The following PRC1 variants were observed in gnomAD, a reference collection of about 807,000 sequenced individuals.
PRC1 encodes protein regulator of cytokinesis 1.
A neutral mutation model predicts 91.2 loss-of-function variants in PRC1; 54 were observed. The ratio of observed to expected loss-of-function variants is 0.59; its 90% CI spans 0.48 to 0.74. PRC1 has a LOEUF of 0.74. Ranked by LOEUF, PRC1 falls within the 30% of genes least tolerant of loss-of-function variation. The pLI, the probability that PRC1 is intolerant of heterozygous loss-of-function variation, is 0.00. For missense variants in PRC1, 727 were observed against 746.2 expected (o/e 0.97, Z 0.30); for synonymous variants, 275 against 263.6 (o/e 1.04, Z -0.42).
intron 6 of PRC1, 126 bp downstream of exon 6, chr15:90,980,758 G>A (rs2039130056): frequency 3.8e-6 from 5 of 1,311,002 alleles, no homozygotes; most frequent in East Asian, 2.3e-5. Flanking sequence ...CACCTGCCTC[G>A]GCCTCCCAAA....
intron 11 of PRC1, among the ~76,000 whole-genome samples, chr15:90,971,748 C>T (rs767586706): frequency 3.3e-5 from 5 of 152,084 alleles, no homozygotes; most frequent in Middle Eastern, 6.8e-3. Flanking sequence ...CCCAGCTACT[C>T]GGGAGGTGGA....
At chr15:90,976,412 C>G (rs8035844) in intron 9 of PRC1, among the ~76,000 whole-genome samples, 2 of 145,366 alleles carry the variant, frequency 1.4e-5, no homozygotes, top group Admixed American at 1.4e-4. Flanking sequence ...AACTCCTGAC[C>G]TCGCGATATG....
intron 1 of PRC1, among the ~76,000 whole-genome samples, chr15:90,993,233 G>A (rs1187247081): frequency 1.6e-5 from 2 of 126,780 alleles, no homozygotes; most frequent in East Asian, 5.2e-4. Flanking sequence ...TTTTTGAGAC[G>A]TAGTCTCACT....
chr15:90,983,063 C>T (rs138086298), intron 3 of PRC1, among the ~76,000 whole-genome samples: 1 of 152,236 alleles, frequency 6.6e-6, no homozygotes, highest in Non-Finnish European at 1.5e-5. Flanking sequence ...CCTCACTTCT[C>T]GCCCAATTTC....
rs1001583911 is a variant in PRC1 at position 90,984,159 on chromosome 15, T to A, written c.145-19A>T. On this transcript the variant is annotated intron_variant, in intron 2 of 14. Transcript: ENST00000394249. The surrounding 1 kb of genome is among the most constrained non-coding windows in gnomAD (Gnocchi z 5.1). ...GGAGTTCCTACAAGAGGGAAAACAG[T>A]CCATAAGTTTGGGGCAATGGAGGAA... 6.2e-7 allele frequency: 1 copy of A among 1,613,178 alleles called. No individual in the cohort carries two copies. The highest frequency in any genetic ancestry group is 8.5e-7 in the Non-Finnish European group (1 of 1,179,484).
chr15:90,969,261 C>T, intron 13 of PRC1, 141 bp from the exon 14 acceptor site: 1 of 1,201,454 alleles, frequency 8.3e-7, no homozygotes, highest in Non-Finnish European at 1.2e-6. Flanking sequence ...TTGCTGCTGC[C>T]AACTTCCTTC....
In PRC1 at chr15:90,966,625, A is replaced by C. The variant is rs1372547341; in HGVS notation, c.*506T>G. Reference sequence around the variant, plus strand: ...AGGCCATCTCAACTTCGGACACACAAAGACATTCTCTTCAGGAGGAAGGCT... The same window carrying C: ...AGGCCATCTCAACTTCGGACACACACAGACATTCTCTTCAGGAGGAAGGCT... On this transcript the variant is annotated 3_prime_UTR_variant, in exon 15 of 15. Coordinates refer to ENST00000394249, the MANE Select transcript of PRC1 (RefSeq NM_003981.4). 7 of 456,056 alleles carry C rather than the reference A, an allele frequency of 1.5e-5. No homozygotes were observed. Among genetic ancestry groups the C allele is most frequent in the Admixed American group, 9.4e-5 (4 of 42,560 alleles). The allele number at this position is 456,056 out of a possible 1,614,324, so 28.3% of individuals were successfully genotyped here.
chr15:90,986,726 G>T (rs982962249), intron 1 of PRC1, among the ~76,000 whole-genome samples: 2 of 152,028 alleles, frequency 1.3e-5, no homozygotes, highest in East Asian at 3.9e-4. Context: ...CTTTTTTGGG[G>T]TGATGAAATA....
At position 90,966,992 on chromosome 15, in the gene PRC1, C is replaced by CT. The variant is rs1268667232; in HGVS notation, c.*138dup. Reference sequence around the variant, plus strand: ...TTTCAACTGTAACACTCATTCACATCTTTAAGTTAGGCCCATGGTCATGGA... The same window carrying CT: ...TTTCAACTGTAACACTCATTCACATCTTTTAAGTTAGGCCCATGGTCATGGA... On this transcript the variant is annotated 3_prime_UTR_variant, in exon 15 of 15. Coordinates refer to ENST00000394249, the MANE Select transcript of PRC1 (RefSeq NM_003981.4). 4 of 722,542 alleles carry CT rather than the reference C, an allele frequency of 5.5e-6. No homozygotes were observed. Among genetic ancestry groups the CT allele is most frequent in the Non-Finnish European group, 9.6e-6 (4 of 416,184 alleles). The allele number at this position is 722,542 out of a possible 1,614,324, so 44.8% of individuals were successfully genotyped here. A position where few individuals can be genotyped will look rare whatever the true frequency, so the allele number is the denominator to read the frequency against.
intron 1 of PRC1, among the ~76,000 whole-genome samples, chr15:90,993,278 C>T (rs954037896): frequency 2.1e-5 from 3 of 142,814 alleles, no homozygotes; most frequent in African/African-American, 8.0e-5. Context: ...GTCGAGATGT[C>T]GGCTCATGCA....
intron 11 of PRC1, among the ~76,000 whole-genome samples, chr15:90,970,987 C>T (rs982409769): frequency 6.6e-6 from 1 of 151,972 alleles, no homozygotes; most frequent in Non-Finnish European, 1.5e-5. Flanking sequence ...CCTTTTGATA[C>T]ATACAGCAAC....
intron 6 of PRC1, 52 bp from the exon 7 acceptor site, chr15:90,980,441 A>G: frequency 6.4e-7 from 1 of 1,571,352 alleles, no homozygotes. Flanking sequence ...ATATTCACTC[A>G]GGTTTGCAAA....
intron 12 of PRC1, among the ~76,000 whole-genome samples, chr15:90,969,998 A>G (rs1265444274): frequency 6.6e-6 from 1 of 152,112 alleles, no homozygotes; most frequent in Non-Finnish European, 1.5e-5. Flanking sequence ...TATTTGAAAG[A>G]CTGAATGTGT....
chr15:90,981,084 C>A (rs2039157586), intron 5 of PRC1, 51 bp from the exon 6 acceptor site: 1 of 1,599,064 alleles, frequency 6.3e-7, no homozygotes, highest in African/African-American at 1.3e-5. Context: ...AGCACAGAGG[C>A]TAGCCCTCTA....
At chr15:90,991,036 C>T (rs1436618150) in intron 1 of PRC1, among the ~76,000 whole-genome samples, 1 of 151,968 alleles carries the variant, frequency 6.6e-6, no homozygotes, top group Non-Finnish European at 1.5e-5. Context: ...CTCGGCCTCC[C>T]AAAGTGCTGG....
At position 90,970,357 on chromosome 15, in the gene PRC1, G is replaced by C. The variant is rs371512267; in HGVS notation, c.1572+47C>G. ...AGTAGGTGGGGCCTCTGGGTGAACA[G>C]GCTAGGGACGCATGTGAGGATGTGC... is the stretch of plus-strand genomic sequence containing the variant. On this transcript the variant is annotated intron_variant, in intron 12 of 14. Coordinates refer to ENST00000394249, the MANE Select transcript of PRC1 (RefSeq NM_003981.4). The C allele has an allele frequency of 1.2e-5, 17 of 1,410,124 alleles. No homozygotes were observed. The African/African-American group carries it at 2.1e-4, about 18-fold the overall frequency. 87.4% of individuals were successfully genotyped at this position (1,410,124 alleles called of 1,614,324 possible). A position where few individuals can be genotyped will look rare whatever the true frequency, so the allele number is the denominator to read the frequency against.
Position 90,976,765 on chromosome 15 carries a change from C to T in PRC1, c.1114G>A (p.Ala372Thr). The change falls in exon 9 of 15, where the codon GCT (alanine) becomes ACT (threonine). Residue 372 changes from alanine (A) to threonine (T), a missense_variant. Coordinates refer to ENST00000394249, the MANE Select transcript of PRC1 (RefSeq NM_003981.4). The part of the protein sequence containing the change: ...WRLFLEFERK[A>T]SDPNRFTNRG... The stretch of plus-strand genomic sequence containing the variant: ...TTTGTAAATCGATTTGGATCTGAAG[C>T]TTTTCTCTGTGAAAAATACATTTTT... The T allele has an allele frequency of 6.2e-7, 1 of 1,610,814 alleles. No individual in the cohort carries two copies. The highest frequency in any genetic ancestry group is 8.5e-7 in the Non-Finnish European group (1 of 1,177,610).
At chr15:90,994,309 C>T in intron 1 of PRC1, 98 bp downstream of exon 1, 1 of 1,577,944 alleles carries the variant, frequency 6.3e-7, no homozygotes, top group Non-Finnish European at 8.6e-7. Context: ...CGATCTAGGC[C>T]CGGGACCCCG....
In PRC1 at chr15:90,984,081, G is replaced by A; in HGVS notation, c.204C>T (p.Ser68=). 6.2e-7 allele frequency: 1 copy of A among 1,614,074 alleles called. No individual in the cohort carries two copies. Among genetic ancestry groups the A allele is most frequent in the South Asian group, 1.1e-5 (1 of 91,082 alleles). The part of the protein sequence containing the change: ...EESLKERLIK[S]ISVCQKELNT... The stretch of plus-strand genomic sequence containing the variant: ...TCAGCTCTTTCTGACAGACGGATAT[G>A]CTTTTGATGAGTCTTTCCTTCAGGC... The change falls in exon 3 of 15, where the codon AGC becomes AGT. Residue 68 remains serine, a synonymous_variant. Coordinates refer to ENST00000394249, the MANE Select transcript of PRC1 (RefSeq NM_003981.4). This position sits in a 1 kb window ranked among gnomAD's most constrained non-coding sequence, Gnocchi z 5.1.
Sources: gnomAD v4.1 joint callset for allele counts (sites outside exome capture counted in the v4.1 genomes callset) on GRCh38, gnomAD v4.1.1 for gene constraint, Gnocchi (gnomAD v3.1) non-coding constraint, MANE v1.5 for transcripts, NCBI Gene and HGNC (gene_info 2026-07-23, HGNC 2026-07-21) for gene names.